Variants in SEL1L3 observed in about 807,000 individuals in gnomAD.
SEL1L3 encodes the protein SEL1L family member 3.
A neutral mutation model predicts 142.8 loss-of-function variants in SEL1L3; 76 were observed. The observed-to-expected ratio is 0.53, with a 90% CI of 0.44 to 0.64. SEL1L3 has a LOEUF of 0.64. Ranked by LOEUF, SEL1L3 falls within the 30% of genes least tolerant of loss-of-function variation. The pLI is 0.00. For missense variants in SEL1L3, 1,262 were observed against 1,381.7 expected, an observed-to-expected ratio of 0.91 and a Z score of 1.37; for synonymous variants, 504 against 519.6, an observed-to-expected ratio of 0.97 and a Z score of 0.41.
chr4:25,823,775 G>A (rs1295352096), intron 6 of SEL1L3, among the ~76,000 whole-genome samples: 3 of 152,104 alleles, frequency 2.0e-5, no homozygotes, highest in Admixed American at 6.5e-5. Flanking sequence ...CCAGGGAGCC[G>A]AAGGAGCAAA....
the SEL1L3 span, chr4:25,720,722 A>G: frequency 6.6e-6 from 1 of 152,224 alleles, no homozygotes; most frequent in African/African-American, 2.4e-5. Context: ...CGTAGAGCCC[A>G]TCAGCGATAG....
chr4:25,751,731 C>A (rs1046362689), intron 23 of SEL1L3, among the ~76,000 whole-genome samples: 9 of 150,914 alleles, frequency 6.0e-5, no homozygotes, highest in Non-Finnish European at 1.0e-4. Flanking sequence ...AAGATCAAGA[C>A]ATTGACTAAT....
intron 2 of SEL1L3, among the ~76,000 whole-genome samples, chr4:25,839,613 C>T (rs987524584): frequency 6.6e-6 from 1 of 152,118 alleles, no homozygotes; most frequent in African/African-American, 2.4e-5. Context: ...AAACGGGACA[C>T]AACTTAACGC....
intron 10 of SEL1L3, among the ~76,000 whole-genome samples, chr4:25,804,324 C>G (rs1276875285): frequency 6.6e-6 from 1 of 152,162 alleles, no homozygotes; most frequent in African/African-American, 2.4e-5. Flanking sequence ...ATCATCCCCC[C>G]AAGGCCTGTC....
intron 11 of SEL1L3, among the ~76,000 whole-genome samples, chr4:25,792,845 G>A (rs1190178404): frequency 1.3e-5 from 2 of 152,114 alleles, no homozygotes; most frequent in Non-Finnish European, 2.9e-5. Flanking sequence ...TGCTCTTAAT[G>A]TTTTGTTTTG....
chr4:25,815,005 T>C lies in SEL1L3; in HGVS notation c.1564+3133A>G, dbSNP rs1714295351. 7.2e-5 allele frequency among the ~76,000 whole-genome samples: 11 copies of C among 152,154 alleles called. 1 individual carries two copies. In the South Asian group the frequency reaches 2.3e-3, roughly 32 times the overall value. On this transcript the variant is annotated intron_variant, in intron 9 of 23. Transcript: ENST00000399878. ...TAGAGAAAGAGGTGCTGAAGGCAAA[T>C]GGGGCCCAGGGCTTGGTTCTAGAAA...
At chr4:25,739,968 A>T in the SEL1L3 span, among the ~76,000 whole-genome samples, 93,342 of 151,412 alleles carry the variant, frequency 0.62, 29,009 homozygotes, top group Middle Eastern at 0.73. Context: ...TTAATTAATT[A>T]ATTTATTTAA....
chr4:25,789,840 G>A (rs1712165605), intron 12 of SEL1L3, among the ~76,000 whole-genome samples: 2 of 151,946 alleles, frequency 1.3e-5, no homozygotes, highest in African/African-American at 4.8e-5. Context: ...AATCAAAGCA[G>A]GGAAGCAGAG....
chr4:25,828,449 G>A (rs1001852042), intron 6 of SEL1L3, among the ~76,000 whole-genome samples: 1 of 150,194 alleles, frequency 6.7e-6, no homozygotes, highest in Non-Finnish European at 1.5e-5. Context: ...TGCTGTGGTG[G>A]GATCTTGGCT....
intron 11 of SEL1L3, among the ~76,000 whole-genome samples, chr4:25,798,868 G>A (rs1712978897): frequency 6.6e-6 from 1 of 151,996 alleles, no homozygotes; most frequent in Non-Finnish European, 1.5e-5. Flanking sequence ...CGGGGAGGAG[G>A]GGGTCTCCAT....
At chr4:25,744,348 CTTT>C (rs35155388), downstream of SEL1L3, among the ~76,000 whole-genome samples, 10 of 101,432 alleles carry the variant, frequency 9.9e-5, no homozygotes, top group African/African-American at 2.1e-4. Context: ...ATGTGTGAGT[CTTT>C]TTTTTTTTTT....
At chr4:25,738,600 C>T in the SEL1L3 span, among the ~76,000 whole-genome samples, 1 of 152,182 alleles carries the variant, frequency 6.6e-6, no homozygotes, top group East Asian at 1.9e-4. Context: ...TTGTGGCTGA[C>T]TGAATACCAA....
intron 11 of SEL1L3, among the ~76,000 whole-genome samples, chr4:25,797,528 G>C (rs1183467728): frequency 3.3e-5 from 5 of 152,234 alleles, no homozygotes; most frequent in Non-Finnish European, 2.9e-5. Context: ...AGACAGGGAA[G>C]CAAACTGCCA....
chr4:25,829,514 T>A (rs1169798235), intron 6 of SEL1L3, among the ~76,000 whole-genome samples: 2 of 152,208 alleles, frequency 1.3e-5, no homozygotes, highest in East Asian at 3.8e-4. Context: ...TGCCCCATGG[T>A]TCTGACACTA....
chr4:25,815,485 A>G (rs1714334646), intron 9 of SEL1L3, among the ~76,000 whole-genome samples: 1 of 152,190 alleles, frequency 6.6e-6, no homozygotes, highest in African/African-American at 2.4e-5. Flanking sequence ...AGCTGCAACA[A>G]TAACATGAAA....
At chr4:25,798,030 T>C (rs1431513782) in intron 11 of SEL1L3, among the ~76,000 whole-genome samples, 1 of 152,008 alleles carries the variant, frequency 6.6e-6, no homozygotes, top group Non-Finnish European at 1.5e-5. Context: ...AGCAAACCAG[T>C]AAGCAGACAG....
At chr4:25,831,406 A>C (rs1024397004) in intron 5 of SEL1L3, among the ~76,000 whole-genome samples, 2 of 151,644 alleles carry the variant, frequency 1.3e-5, no homozygotes, top group Non-Finnish European at 2.9e-5. Context: ...AAATCTTCTC[A>C]TGATACCTCC....
At chr4:25,757,486 GCT>G (rs1491186797) in intron 23 of SEL1L3, 46 bp downstream of exon 23, 54 of 978,886 alleles carry the variant, frequency 5.5e-5, no homozygotes, top group Non-Finnish European at 7.2e-5. Context: ...AAAAATCCCT[GCT>G]TTTTTTTTTT....
intron 1 of SEL1L3, 32 bp from the exon 2 acceptor site, chr4:25,847,896 A>G (rs1018867809): frequency 3.0e-6 from 4 of 1,346,370 alleles, no homozygotes; most frequent in Non-Finnish European, 4.0e-6. Flanking sequence ...TAAGAAATAC[A>G]GAAAGTTTAA....
Sources: gnomAD v4.1 joint callset for allele counts (sites outside exome capture counted in the v4.1 genomes callset) on GRCh38, gnomAD v4.1.1 for gene constraint, MANE v1.5 for transcripts, NCBI Gene and HGNC (gene_info 2026-07-23, HGNC 2026-07-21) for gene names.